Variants in F13A1 observed in about 807,000 individuals in gnomAD.
F13A1 encodes the protein coagulation factor XIII A chain, also known as FSF, A subunit.
A neutral mutation model predicts 80.1 loss-of-function variants in F13A1; 47 were observed. The observed-to-expected ratio is 0.59, with a 90% CI of 0.46 to 0.75. The LOEUF is 0.75. F13A1 is among the 30% of genes least tolerant of loss of function. The pLI is 0.00. For missense variants in F13A1, 817 were observed against 930.4 expected (o/e 0.88, Z 1.59); for synonymous variants, 349 against 344.9 (o/e 1.01, Z -0.13).
In F13A1 at chr6:6,243,722, T is replaced by C. The variant is rs1421523652; in HGVS notation, c.798+4590A>G. On this transcript the variant is annotated intron_variant, in intron 6 of 14. Transcript: ENST00000264870. This position sits in a 1 kb window ranked among gnomAD's most constrained non-coding sequence, Gnocchi z 4.2. ...GGACACCACTTCCAAGGGCTTCTGCTTCCTCACCCAGAAGACTCTTGGAGA... is the reference window on the plus strand; with the variant it reads ...GGACACCACTTCCAAGGGCTTCTGCCTCCTCACCCAGAAGACTCTTGGAGA... 6.6e-6 allele frequency among the ~76,000 whole-genome samples: 1 copy of C among 152,202 alleles called. No individual in the cohort carries two copies. The highest frequency in any genetic ancestry group is 1.5e-5 in the Non-Finnish European group (1 of 68,034).
intron 13 of F13A1, among the ~76,000 whole-genome samples, chr6:6,164,649 TCTC>T (rs1433955631): frequency 1.3e-5 from 2 of 150,532 alleles, no homozygotes; most frequent in Non-Finnish European, 3.0e-5. Flanking sequence ...GTTTTTCTCT[TCTC>T]CCCCCCATTC....
intron 8 of F13A1, among the ~76,000 whole-genome samples, chr6:6,216,274 C>G (rs971473386): frequency 5.9e-5 from 9 of 151,924 alleles, no homozygotes; most frequent in African/African-American, 1.5e-4. Context: ...TGACTTCAAA[C>G]TATACTACAA....
At chr6:6,228,494 G>A (rs1757307640) in intron 6 of F13A1, among the ~76,000 whole-genome samples, 1 of 152,082 alleles carries the variant, frequency 6.6e-6, no homozygotes, top group Non-Finnish European at 1.5e-5. Context: ...AGCCCTTTGA[G>A]AGGATGAGGC....
chr6:6,148,695 G>A (rs1372687595), intron 14 of F13A1, among the ~76,000 whole-genome samples: 1 of 152,124 alleles, frequency 6.6e-6, no homozygotes, highest in Non-Finnish European at 1.5e-5. Flanking sequence ...GCTGGAGTGA[G>A]GAGTAAACAG....
At chr6:6,240,711 G>A (rs1289208628) in intron 6 of F13A1, among the ~76,000 whole-genome samples, 2 of 152,110 alleles carry the variant, frequency 1.3e-5, no homozygotes, top group African/African-American at 4.8e-5. Context: ...CAATATATCT[G>A]TCAATTTTTT....
chr6:6,285,669 A>AG (rs1211827530), intron 3 of F13A1, among the ~76,000 whole-genome samples: 2 of 152,212 alleles, frequency 1.3e-5, no homozygotes, highest in African/African-American at 4.8e-5. Flanking sequence ...TGAGTAGGGG[A>AG]GGAGAGGGCT....
At chr6:6,185,738 G>A (rs1339266979) in intron 10 of F13A1, among the ~76,000 whole-genome samples, 1 of 152,216 alleles carries the variant, frequency 6.6e-6, no homozygotes, top group Non-Finnish European at 1.5e-5. Context: ...TATATACCCA[G>A]TAATGGGATG....
chr6:6,286,033 C>T (rs1252156805), intron 3 of F13A1, among the ~76,000 whole-genome samples: 6 of 152,246 alleles, frequency 3.9e-5, no homozygotes, highest in Non-Finnish European at 4.4e-5. Context: ...CCACTGCACA[C>T]GCAGACACAC....
intron 2 of F13A1, among the ~76,000 whole-genome samples, chr6:6,312,176 T>G (rs1295167767): frequency 6.6e-6 from 1 of 151,880 alleles, no homozygotes; most frequent in East Asian, 1.9e-4. Context: ...TTATATCATC[T>G]ATACTGGTAT....
At chr6:6,304,556 G>A (rs1252417415) in intron 3 of F13A1, among the ~76,000 whole-genome samples, 6 of 152,086 alleles carry the variant, frequency 3.9e-5, no homozygotes, top group East Asian at 1.9e-4. Flanking sequence ...AATGTGCATC[G>A]TTAATCTTCA....
chr6:6,263,339 A>G (rs1424298090), intron 4 of F13A1, among the ~76,000 whole-genome samples: 1 of 152,148 alleles, frequency 6.6e-6, no homozygotes, highest in African/African-American at 2.4e-5. Flanking sequence ...TTTCCACACT[A>G]TATGGCCACT....
chr6:6,252,414 T>C (rs760414180), intron 4 of F13A1, among the ~76,000 whole-genome samples: 16 of 152,210 alleles, frequency 1.1e-4, no homozygotes, highest in Non-Finnish European at 2.1e-4. Context: ...TGTACATATG[T>C]ATCTATGTAT....
At chr6:6,168,182 C>T (rs1456714745) in intron 12 of F13A1, among the ~76,000 whole-genome samples, 1 of 152,244 alleles carries the variant, frequency 6.6e-6, no homozygotes, top group East Asian at 1.9e-4. Flanking sequence ...CCAGTTTCTA[C>T]CAAAGGCATT....
chr6:6,293,896 T>G (rs1758274318), intron 3 of F13A1, among the ~76,000 whole-genome samples: 1 of 151,446 alleles, frequency 6.6e-6, no homozygotes, highest in Non-Finnish European at 1.5e-5. Flanking sequence ...AACAGCAACA[T>G]AGGGAAACTC....
At position 6,195,992 on chromosome 6, in the gene F13A1, A is replaced by G; in HGVS notation, c.1217-107T>C. On this transcript the variant is annotated intron_variant, in intron 9 of 14. Transcript: ENST00000264870. ...TGACTCTGTAAAGACCAGTGTTCCC[A>G]ACTTCATTGCTGATTTAGCCCAGAT... The G allele has an allele frequency of 2.9e-6, 3 of 1,028,824 alleles. No homozygotes were observed. The South Asian group carries it at 4.0e-5, about 14-fold the overall frequency. The allele number at this position is 1,028,824 out of a possible 1,614,324, so 63.7% of individuals were successfully genotyped here. A position where few individuals can be genotyped will look rare whatever the true frequency, so the allele number is the denominator to read the frequency against.
intron 6 of F13A1, among the ~76,000 whole-genome samples, chr6:6,246,321 G>A (rs556802658): frequency 1.3e-5 from 2 of 152,128 alleles, no homozygotes; most frequent in Non-Finnish European, 2.9e-5. Context: ...TTATTAAAAC[G>A]GAACAGATTT....
At chr6:6,200,800 G>T (rs1475686616) in intron 8 of F13A1, among the ~76,000 whole-genome samples, 1 of 152,166 alleles carries the variant, frequency 6.6e-6, no homozygotes, top group Admixed American at 6.5e-5. Context: ...GGCAGGGTCT[G>T]CAGGGAGAGA....
In F13A1 at chr6:6,145,327, T is replaced by C. The variant is rs1226731512; in HGVS notation, c.*292A>G. 1 of 420,056 alleles carries C rather than the reference T, an allele frequency of 2.4e-6. No homozygotes were observed. The highest frequency in any genetic ancestry group is 2.0e-5 in the African/African-American group (1 of 49,392). The allele number at this position is 420,056 out of a possible 1,614,324, so 26.0% of individuals were successfully genotyped here. ...CCACTGATATTTGGAGATGTAGCCATTTGTGATGATAAATGATGACTGTTA... is the reference window on the plus strand; with the variant it reads ...CCACTGATATTTGGAGATGTAGCCACTTGTGATGATAAATGATGACTGTTA... On this transcript the variant is annotated 3_prime_UTR_variant, in exon 15 of 15. Transcript: ENST00000264870.
intron 8 of F13A1, among the ~76,000 whole-genome samples, chr6:6,207,840 T>G (rs1313034159): frequency 6.6e-6 from 1 of 152,152 alleles, no homozygotes; most frequent in Non-Finnish European, 1.5e-5. Context: ...AAAAACAGAC[T>G]TCATAGAATT....
Sources: allele counts gnomAD v4.1 joint callset (sites outside exome capture counted in the v4.1 genomes callset), GRCh38; gene constraint gnomAD v4.1.1; non-coding constraint Gnocchi (gnomAD v3.1); transcripts MANE v1.5; gene names NCBI Gene and HGNC (gene_info 2026-07-23, HGNC 2026-07-21).